The following NHEJ1 variants were observed in gnomAD, a reference collection of about 807,000 sequenced individuals.
NHEJ1 encodes non-homologous end-joining factor 1.
A neutral mutation model predicts 39.4 loss-of-function variants in NHEJ1; 22 were observed. The observed-to-expected ratio is 0.56, with a 90% CI of 0.40 to 0.80. NHEJ1 has a LOEUF of 0.80. Among genes scored for constraint, NHEJ1 ranks in the 30% least tolerant of loss-of-function variants. The probability of loss-of-function intolerance (pLI) is 0.00; values close to 1 mark genes in which losing one functional copy is unlikely to be tolerated. For synonymous variants in NHEJ1, 154 were observed against 135.6 expected, an observed-to-expected ratio of 1.14 and a Z score of -0.94; for missense variants, 329 against 357.1, an observed-to-expected ratio of 0.92 and a Z score of 0.63.
intron 5 of NHEJ1, among the ~76,000 whole-genome samples, chr2:219,080,442 G>A (rs1171468995): frequency 7.3e-5 from 11 of 151,722 alleles, no homozygotes; most frequent in East Asian, 1.9e-4. Context: ...GCAGAACGGC[G>A]TGAACCCGGC....
chr2:219,109,342 C>A (rs1293921504), intron 5 of NHEJ1, among the ~76,000 whole-genome samples: 1 of 152,166 alleles, frequency 6.6e-6, no homozygotes, highest in Non-Finnish European at 1.5e-5. Context: ...TCTTTCCTCC[C>A]AAGACCACAA....
chr2:219,129,892 G>C (rs1429705593), intron 5 of NHEJ1, among the ~76,000 whole-genome samples: 1 of 152,090 alleles, frequency 6.6e-6, no homozygotes, highest in Non-Finnish European at 1.5e-5. Flanking sequence ...TGTTTACCAA[G>C]ATGCTGTTTT....
At chr2:219,137,607 A>C (rs1949647103) in intron 5 of NHEJ1, among the ~76,000 whole-genome samples, 1 of 151,390 alleles carries the variant, frequency 6.6e-6, no homozygotes, top group Non-Finnish European at 1.5e-5. Context: ...AAAAACTGAA[A>C]ACCACCTTCA....
chr2:219,131,439 C>T (rs1271762103), intron 5 of NHEJ1, among the ~76,000 whole-genome samples: 2 of 152,174 alleles, frequency 1.3e-5, no homozygotes, highest in African/African-American at 2.4e-5. Context: ...AAAATATCTT[C>T]GGCTGCTTTT....
intron 5 of NHEJ1, among the ~76,000 whole-genome samples, chr2:219,087,181 T>G (rs976966257): frequency 1.3e-5 from 2 of 152,176 alleles, no homozygotes; most frequent in Non-Finnish European, 2.9e-5. Flanking sequence ...TTGAACATTA[T>G]TTTAGCACCT....
chr2:219,135,957 C>T (rs759025425), intron 5 of NHEJ1, among the ~76,000 whole-genome samples: 1 of 152,168 alleles, frequency 6.6e-6, no homozygotes, highest in Non-Finnish European at 1.5e-5. Flanking sequence ...CCCCCTGGAG[C>T]GCAGTCTGTT....
chr2:219,081,935 T>G (rs1949070958), intron 5 of NHEJ1, among the ~76,000 whole-genome samples: 1 of 152,256 alleles, frequency 6.6e-6, no homozygotes, highest in African/African-American at 2.4e-5. Flanking sequence ...TAAGTTCACA[T>G]TCACTAGTTT....
chr2:219,157,991 TCACACACACACACACACACACACACA>T (rs58103413), intron 2 of NHEJ1, among the ~76,000 whole-genome samples, 169 bp downstream of exon 2: 26 of 99,270 alleles, frequency 2.6e-4, no homozygotes, highest in African/African-American at 7.1e-4. Flanking sequence ...TCTCTCTCTC[TCACACACACACACACACACACACACA>T]CACACACACA....
intron 5 of NHEJ1, among the ~76,000 whole-genome samples, chr2:219,137,086 A>G (rs1949638243): frequency 6.6e-6 from 1 of 151,712 alleles, no homozygotes; most frequent in Non-Finnish European, 1.5e-5. Flanking sequence ...AAAAAAAAAA[A>G]AAGAAGTGGT....
intron 5 of NHEJ1, among the ~76,000 whole-genome samples, chr2:219,103,451 T>C (rs1387089314): frequency 6.6e-6 from 1 of 151,858 alleles, no homozygotes; most frequent in Non-Finnish European, 1.5e-5. Flanking sequence ...AATTTTTGTA[T>C]TTTTAGTAGA....
intron 3 of NHEJ1, among the ~76,000 whole-genome samples, chr2:219,151,208 C>T (rs6751232): frequency 0.12 from 18,021 of 149,210 alleles, 1,039 homozygotes; most frequent in East Asian, 0.15. Flanking sequence ...GTATAAATGA[C>T]AGTGAATATT....
chr2:219,154,294 G>T, intron 3 of NHEJ1, among the ~76,000 whole-genome samples: 1 of 152,028 alleles, frequency 6.6e-6, no homozygotes, highest in Non-Finnish European at 1.5e-5. Flanking sequence ...ATATATATTT[G>T]GTCGTATGAA....
chr2:219,078,791 G>C (rs1949037040), intron 5 of NHEJ1, among the ~76,000 whole-genome samples: 1 of 152,120 alleles, frequency 6.6e-6, no homozygotes, highest in Admixed American at 6.5e-5. Context: ...GCTCACAGTG[G>C]GCTGGCTGAG....
chr2:219,073,849 G>C lies in NHEJ1; in HGVS notation c.*2532C>G, dbSNP rs181550975. 6.6e-6 allele frequency among the ~76,000 whole-genome samples: 1 copy of C among 152,344 alleles called. No homozygotes were observed. Among genetic ancestry groups the C allele is most frequent in the African/African-American group, 2.4e-5 (1 of 41,580 alleles). On this transcript the variant is annotated 3_prime_UTR_variant, in exon 8 of 8. Coordinates refer to ENST00000356853, the MANE Select transcript of NHEJ1 (RefSeq NM_024782.3). ...TAATATTTACGGAATAAAATTTATG[G>C]AGCAGCCACGAGAATTCGACCCTTT... is the stretch of plus-strand genomic sequence containing the variant.
chr2:219,090,846 CTCATCTT>C (rs1178744020), intron 5 of NHEJ1, among the ~76,000 whole-genome samples: 1 of 152,198 alleles, frequency 6.6e-6, no homozygotes, highest in Non-Finnish European at 1.5e-5. Flanking sequence ...CTGGTTTCTT[CTCATCTT>C]TCAAGTCTCA....
intron 1 of NHEJ1, among the ~76,000 whole-genome samples, chr2:219,159,566 T>TATATGTGC (rs1949902428): frequency 1.7e-4 from 3 of 17,660 alleles, no homozygotes; most frequent in Non-Finnish European, 4.0e-4. Flanking sequence ...TATATATGCA[T>TATATGTGC]ATATATATGC....
chr2:219,119,114 T>G (rs1949446465), intron 5 of NHEJ1, among the ~76,000 whole-genome samples: 1 of 152,134 alleles, frequency 6.6e-6, no homozygotes, highest in South Asian at 2.1e-4. Flanking sequence ...GCCGATGTTC[T>G]CCATGCCTCA....
At chr2:219,127,716 C>A in intron 5 of NHEJ1, among the ~76,000 whole-genome samples, 1 of 152,202 alleles carries the variant, frequency 6.6e-6, no homozygotes, top group East Asian at 1.9e-4. Flanking sequence ...GACCTTATAT[C>A]TAGATGATAA....
At chr2:219,137,595 A>AAAAAC (rs1553547574) in intron 5 of NHEJ1, among the ~76,000 whole-genome samples, 2,122 of 82,816 alleles carry the variant, frequency 0.026, 86 homozygotes, top group Admixed American at 0.066. Context: ...AAAAAAAACA[A>AAAAAC]AAAAAACTGA....
Sources: gnomAD v4.1 joint callset for allele counts (sites outside exome capture counted in the v4.1 genomes callset) on GRCh38, gnomAD v4.1.1 for gene constraint, MANE v1.5 for transcripts, NCBI Gene and HGNC (gene_info 2026-07-23, HGNC 2026-07-21) for gene names.